COL23A1: variants seen among roughly 807,000 people sequenced by gnomAD.
COL23A1 encodes the protein collagen alpha-1(XXIII) chain.
A neutral mutation model predicts 99.3 loss-of-function variants in COL23A1; 97 were observed. The observed-to-expected ratio is 0.98, with a 90% CI of 0.83 to 1.16. The LOEUF (loss-of-function observed/expected upper bound fraction) is 1.16. Among genes scored for constraint, COL23A1 ranks in the 50% most tolerant of loss-of-function variants. The pLI, the probability that COL23A1 is intolerant of heterozygous loss-of-function variation, is 0.00. For synonymous variants in COL23A1, 320 were observed against 308.2 expected (o/e 1.04, Z -0.40); for missense variants, 762 against 757.4 (o/e 1.01, Z -0.07).
intron 5 of COL23A1, among the ~76,000 whole-genome samples, chr5:178,287,446 A>T (rs1757217307): frequency 6.6e-6 from 1 of 152,232 alleles, no homozygotes; most frequent in Non-Finnish European, 1.5e-5. Context: ...ATTGAAGCTC[A>T]GCGAAGGTGA....
Position 178,313,191 on chromosome 5 carries a change from G to C in COL23A1, c.362-6272C>G, listed in dbSNP as rs1758797568. Reference sequence around the variant, plus strand: ...ATAGGGGGTGCCATCGGTGGGCTGGGCTAGGGGAGGCGAGACTGGGAAGTC... The same window carrying C: ...ATAGGGGGTGCCATCGGTGGGCTGGCCTAGGGGAGGCGAGACTGGGAAGTC... On this transcript the variant is annotated intron_variant, in intron 2 of 28. Transcript: ENST00000390654. This position sits in a 1 kb window ranked among gnomAD's most constrained non-coding sequence, Gnocchi z 4.2. Among the ~76,000 whole-genome samples the C allele has an allele frequency of 6.6e-6, 1 of 152,184 alleles. No individual in the cohort carries two copies. Among genetic ancestry groups the C allele is most frequent in the Non-Finnish European group, 1.5e-5 (1 of 68,038 alleles).
chr5:178,276,137 T>C (rs1756573591), intron 5 of COL23A1, among the ~76,000 whole-genome samples: 1 of 152,202 alleles, frequency 6.6e-6, no homozygotes. Flanking sequence ...AGTGTCTTGA[T>C]GCTCATCTGC....
chr5:178,440,982 T>C (rs1331393311), intron 2 of COL23A1, among the ~76,000 whole-genome samples: 3 of 152,172 alleles, frequency 2.0e-5, no homozygotes, highest in Non-Finnish European at 2.9e-5. Context: ...GCATATTTCT[T>C]AGAGTGGCTT....
intron 2 of COL23A1, among the ~76,000 whole-genome samples, chr5:178,354,641 T>C (rs542236240): frequency 1.3e-5 from 2 of 152,322 alleles, no homozygotes; most frequent in African/African-American, 4.8e-5. Context: ...TGCTCTGCCA[T>C]GTGAAGATGT....
intron 2 of COL23A1, among the ~76,000 whole-genome samples, chr5:178,325,271 C>T (rs2913786): frequency 0.34 from 51,322 of 152,026 alleles, 9,332 homozygotes; most frequent in African/African-American, 0.46. Flanking sequence ...GGCCAGAGAT[C>T]GGATCATGCC....
chr5:178,277,862 T>C (rs1380409414), intron 5 of COL23A1, among the ~76,000 whole-genome samples: 1 of 152,214 alleles, frequency 6.6e-6, no homozygotes, highest in Non-Finnish European at 1.5e-5. Context: ...CAGAAAATAC[T>C]GTTCCTCATT....
chr5:178,389,694 C>T (rs1188505804), intron 2 of COL23A1, among the ~76,000 whole-genome samples: 2 of 152,224 alleles, frequency 1.3e-5, no homozygotes, highest in Non-Finnish European at 2.9e-5. Flanking sequence ...CTGTCTGTGG[C>T]CTCCTCCAGA....
chr5:178,355,514 A>G lies in COL23A1; in HGVS notation c.362-48595T>C, dbSNP rs185918321. Among the ~76,000 whole-genome samples the G allele has an allele frequency of 1.9e-3, 285 of 152,154 alleles. 2 individuals are homozygous for G. The highest frequency in any genetic ancestry group is 7.4e-4 in the Non-Finnish European group (50 of 67,960). The stretch of plus-strand genomic sequence containing the variant: ...TATAAAGAACTACCGAAGGCTGAGT[A>G]ATTTATAAAGAAAAGAGGTTTGTTT... On this transcript the variant is annotated intron_variant, in intron 2 of 28. Transcript: ENST00000390654.
rs1381444137 is a variant in COL23A1 at position 178,590,290 on chromosome 5, G to A, written c.-93C>T. 7.3e-6 allele frequency: 8 copies of A among 1,098,620 alleles called. No homozygotes were observed. Among genetic ancestry groups the A allele is most frequent in the Middle Eastern group, 7.6e-4 (2 of 2,618 alleles). 68.1% of individuals were successfully genotyped at this position (1,098,620 alleles called of 1,614,324 possible). A position where few individuals can be genotyped will look rare whatever the true frequency, so the allele number is the denominator to read the frequency against. ...GAGCAGGCGGGACAGCCCGAGGCAC[G>A]AGGTCCGCCGGGCGCGGGGGTTAGC... On this transcript the variant is annotated 5_prime_UTR_variant, in exon 1 of 29. Coordinates refer to ENST00000390654, the MANE Select transcript of COL23A1 (RefSeq NM_173465.4). This position sits in a 1 kb window ranked among gnomAD's most constrained non-coding sequence, Gnocchi z 5.7.
rs566159254 is a variant in COL23A1 at position 178,402,012 on chromosome 5, C to T, written c.362-95093G>A. 2.6e-3 allele frequency among the ~76,000 whole-genome samples: 402 copies of T among 152,266 alleles called. 3 individuals are homozygous for T. The highest frequency in any genetic ancestry group is 9.2e-3 in the African/African-American group (382 of 41,550). Reference sequence around the variant, plus strand: ...TGTATTTTTAGTAGAGATGGGGTTTCATGATGTTGGCCAGGCTGGTCTCAA... The same window carrying T: ...TGTATTTTTAGTAGAGATGGGGTTTTATGATGTTGGCCAGGCTGGTCTCAA... On this transcript the variant is annotated intron_variant, in intron 2 of 28. Transcript: ENST00000390654.
At chr5:178,263,439 T>C (rs1246394317) in intron 8 of COL23A1, 115 bp from the exon 9 acceptor site, 3 of 670,496 alleles carry the variant, frequency 4.5e-6, no homozygotes, top group South Asian at 1.9e-5. Flanking sequence ...TTGGGCAGGC[T>C]CAAAGGGGAG....
intron 2 of COL23A1, among the ~76,000 whole-genome samples, chr5:178,527,601 G>A (rs900758847): frequency 2.6e-5 from 4 of 152,230 alleles, no homozygotes; most frequent in Admixed American, 1.3e-4. Flanking sequence ...GGTTACCAAC[G>A]AGGGGCCAGG....
intron 2 of COL23A1, among the ~76,000 whole-genome samples, chr5:178,519,402 T>C (rs1056964878): frequency 6.6e-6 from 1 of 152,138 alleles, no homozygotes; most frequent in African/African-American, 2.4e-5. Context: ...ACAATGTGCG[T>C]CCATGAAGGG....
At chr5:178,376,902 A>T (rs781038470) in intron 2 of COL23A1, among the ~76,000 whole-genome samples, 1 of 152,226 alleles carries the variant, frequency 6.6e-6, no homozygotes, top group Non-Finnish European at 1.5e-5. Context: ...CCATGACTTC[A>T]TCAAAGTGAA....
chr5:178,482,851 G>C (rs1275423792), intron 2 of COL23A1, among the ~76,000 whole-genome samples: 1 of 152,098 alleles, frequency 6.6e-6, no homozygotes, highest in African/African-American at 2.4e-5. Flanking sequence ...GCAGTGAGCA[G>C]AGATCGCGCC....
At chr5:178,355,175 T>G (rs1275345960) in intron 2 of COL23A1, among the ~76,000 whole-genome samples, 1 of 152,204 alleles carries the variant, frequency 6.6e-6, no homozygotes, top group Non-Finnish European at 1.5e-5. Flanking sequence ...AGGATGTGTA[T>G]TGGTTATATG....
intron 2 of COL23A1, among the ~76,000 whole-genome samples, chr5:178,536,226 C>T (rs892459470): frequency 2.0e-5 from 3 of 152,236 alleles, no homozygotes; most frequent in Admixed American, 1.3e-4. Flanking sequence ...CAGGGGTGCT[C>T]GGGGAGTGTG....
Position 178,257,553 on chromosome 5 carries a change from T to G in COL23A1, c.744A>C (p.Thr248=). ...GCCCTGGTGGTCCAGGCTGGCTTGGTGTCCCATCGTCGCCCTGAGGAGAGG... is the reference window on the plus strand; with the variant it reads ...GCCCTGGTGGTCCAGGCTGGCTTGGGGTCCCATCGTCGCCCTGAGGAGAGG... ...GVPGKKGDDG[T]PSQPGPPGPK... is the part of the protein sequence containing the mutation. Residue 248 remains threonine (T), a synonymous_variant, in exon 13 of 29, where the codon ACA becomes ACC. Coordinates refer to ENST00000390654, the MANE Select transcript of COL23A1 (RefSeq NM_173465.4). 1 of 1,561,932 alleles carries G rather than the reference T, an allele frequency of 6.4e-7. No homozygotes were observed. Among genetic ancestry groups the G allele is most frequent in the Non-Finnish European group, 8.7e-7 (1 of 1,153,066 alleles).
intron 2 of COL23A1, chr5:178,351,871 G>A (rs1394652177): frequency 2.0e-5 from 3 of 152,148 alleles, no homozygotes; most frequent in African/African-American, 7.2e-5. Context: ...AAGGACTGGC[G>A]CTCTTATAAG....
Sources: gnomAD v4.1 joint callset for allele counts (sites outside exome capture counted in the v4.1 genomes callset) on GRCh38, gnomAD v4.1.1 for gene constraint, Gnocchi (gnomAD v3.1) non-coding constraint, MANE v1.5 for transcripts, NCBI Gene and HGNC (gene_info 2026-07-23, HGNC 2026-07-21) for gene names.